MGAM2: variants seen among roughly 807,000 people sequenced by gnomAD.
MGAM2 encodes probable maltase-glucoamylase 2.
In MGAM2, 98 loss-of-function variants were observed where a neutral mutation model predicts 96.1. The observed-to-expected ratio is 1.02, with a 90% CI of 0.87 to 1.21. MGAM2 has a LOEUF of 1.21. Ranked by LOEUF, MGAM2 falls within the 50% of genes most tolerant of loss-of-function variation. MGAM2 has a pLI of 0.00. For missense variants in MGAM2, 2,055 were observed against 1,182.4 expected (o/e 1.74, Z -10.82); for synonymous variants, 749 against 414.8 (o/e 1.81, Z -9.79).
intron 35 of MGAM2, 90 bp downstream of exon 35, chr7:142,186,213 A>G (rs548285602): frequency 1.5e-6 from 1 of 645,420 alleles, no homozygotes; most frequent in Non-Finnish European, 2.8e-6. Flanking sequence ...GCAGAGACAT[A>G]GGGCTGAAGA....
rs374207492 is a variant in MGAM2, at chr7:142,190,303, G to A, written c.4346+798G>A. Among the ~76,000 whole-genome samples, 3 of 139,302 alleles carry A rather than the reference G, an allele frequency of 2.2e-5. No homozygotes were observed. In the East Asian group the frequency reaches 6.1e-4, roughly 28 times the overall value. The allele number at this position is 139,302 out of a possible 152,430, so 91.4% of individuals were successfully genotyped here. ...TTTTTTTTTTTTTTGATGGAGTCTG[G>A]CTCTGTCGCCCAGGCTGGAGTGCAG... On this transcript the variant is annotated intron_variant, in intron 37 of 47. Transcript: ENST00000477922.
intron 14 of MGAM2, among the ~76,000 whole-genome samples, chr7:142,146,661 C>A (rs566211066): frequency 6.6e-6 from 1 of 152,140 alleles, no homozygotes; most frequent in East Asian, 1.9e-4. Context: ...AACAATAATT[C>A]TCAGAGGTAG....
intron 46 of MGAM2, among the ~76,000 whole-genome samples, chr7:142,212,752 C>T (rs1445199899): frequency 2.0e-5 from 3 of 152,224 alleles, no homozygotes; most frequent in East Asian, 3.9e-4. Flanking sequence ...TTTTAACACC[C>T]ACTGTCAATA....
At chr7:142,137,309 G>A in intron 8 of MGAM2, 124 bp from the exon 9 acceptor site, 1 of 475,538 alleles carries the variant, frequency 2.1e-6, no homozygotes, top group East Asian at 3.3e-5. Context: ...TAAAAAGACA[G>A]TGTGATTTTC....
chr7:142,211,226 G>A (rs1020932364), intron 46 of MGAM2, among the ~76,000 whole-genome samples: 1 of 152,210 alleles, frequency 6.6e-6, no homozygotes, highest in Non-Finnish European at 1.5e-5. Flanking sequence ...AATCCACGAA[G>A]ATGAGGAAAA....
In MGAM2 at chr7:142,115,547, T is replaced by A. The variant is rs181980291; in HGVS notation, c.1-1327T>A. On this transcript the variant is annotated intron_variant, in intron 1 of 47. Transcript: ENST00000477922. ...GCCTTGATGTGATAAGATACTTTTT[T>A]AAAATAAAGTAAGGCAGGCTGGGTG... 1.6e-3 allele frequency among the ~76,000 whole-genome samples: 246 copies of A among 152,204 alleles called. 4 individuals are homozygous for A. In the South Asian group the frequency reaches 0.033, roughly 21 times the overall value.
Position 142,113,799 on chromosome 7 carries a change from A to G in MGAM2, c.-1+1992A>G, listed in dbSNP as rs78088648. Among the ~76,000 whole-genome samples the G allele has an allele frequency of 1.6e-3, 249 of 152,250 alleles. 4 individuals carry two copies. In the South Asian group the frequency reaches 0.035, roughly 21 times the overall value. On this transcript the variant is annotated intron_variant, in intron 1 of 47. Transcript: ENST00000477922. ...TTACCCAACGTGTCTGCGTAGTTTA[A>G]AAAAGAAGCCTATACCAGAATTTGG...
chr7:142,140,493 C>A (rs577963329), intron 10 of MGAM2, among the ~76,000 whole-genome samples: 1 of 152,228 alleles, frequency 6.6e-6, no homozygotes, highest in African/African-American at 2.4e-5. Flanking sequence ...ATTTAAAGAG[C>A]GTCTGTTTTA....
intron 6 of MGAM2, among the ~76,000 whole-genome samples, chr7:142,132,429 T>G (rs1288806876): frequency 7.2e-6 from 1 of 139,452 alleles, no homozygotes; most frequent in African/African-American, 2.6e-5. Context: ...ATTATTACTA[T>G]TAATATAATT....
chr7:142,131,703 A>G (rs908313188), intron 5 of MGAM2, 76 bp downstream of exon 5: 8 of 674,596 alleles, frequency 1.2e-5, no homozygotes, highest in Non-Finnish European at 1.9e-5. Context: ...GTGTGGAGGC[A>G]GAAGGTACCT....
At chr7:142,198,256 G>A in intron 43 of MGAM2, 61 bp downstream of exon 43, 1 of 672,432 alleles carries the variant, frequency 1.5e-6, no homozygotes, top group Non-Finnish European at 2.7e-6. Context: ...GAGGTGGATA[G>A]AGCCTTCTAT....
chr7:142,189,476 C>CGG lies in MGAM2; in HGVS notation c.4319_4320dup (p.Trp1441GlyfsTer15), dbSNP rs1258917651. ...AGCACTACAACGTGCACAACCTGTA[C>CGG]GGGTGGTCCCAGACCAGACCCACAT... On this transcript the variant is annotated frameshift_variant, in exon 37 of 48. Transcript: ENST00000477922. LOFTEE classifies it high-confidence loss of function. The CGG allele has an allele frequency of 5.8e-6, 5 of 863,496 alleles. No individual in the cohort carries two copies. The East Asian group carries it at 1.1e-4, about 18-fold the overall frequency. The allele number at this position is 863,496 out of a possible 1,614,324, so 53.5% of individuals were successfully genotyped here.
chr7:142,175,352 C>G (rs964073089), intron 31 of MGAM2, among the ~76,000 whole-genome samples: 29 of 151,998 alleles, frequency 1.9e-4, no homozygotes, highest in Non-Finnish European at 5.9e-5. Flanking sequence ...GTTTGATAGA[C>G]TGAGTTTGAG....
intron 8 of MGAM2, among the ~76,000 whole-genome samples, 199 bp from the exon 9 acceptor site, chr7:142,137,234 A>C: frequency 6.6e-6 from 1 of 151,756 alleles, no homozygotes. Context: ...AAAAAACAAA[A>C]CTCAATTCTT....
At chr7:142,146,971 A>G (rs779713625) in intron 14 of MGAM2, among the ~76,000 whole-genome samples, 27 of 151,940 alleles carry the variant, frequency 1.8e-4, no homozygotes, top group Non-Finnish European at 3.5e-4. Flanking sequence ...CAGGTGATCC[A>G]CCTGCCTCGG....
intron 37 of MGAM2, among the ~76,000 whole-genome samples, chr7:142,195,215 G>C (rs1228293549): frequency 6.6e-6 from 1 of 151,756 alleles, no homozygotes; most frequent in African/African-American, 2.4e-5. Flanking sequence ...TTATTTTTTT[G>C]TAGAGACAGG....
At chr7:142,184,727 C>A (rs1351926917) in intron 33 of MGAM2, among the ~76,000 whole-genome samples, 1 of 152,106 alleles carries the variant, frequency 6.6e-6, no homozygotes, top group Admixed American at 6.5e-5. Context: ...AATCTTATTT[C>A]TTTAGAGTCA....
At chr7:142,167,072 G>T (rs145467701) in intron 25 of MGAM2, among the ~76,000 whole-genome samples, 196 bp from the exon 26 acceptor site, 1 of 152,268 alleles carries the variant, frequency 6.6e-6, no homozygotes, top group Non-Finnish European at 1.5e-5. Flanking sequence ...TTTGTTCATT[G>T]CAGAAACCCT....
intron 28 of MGAM2, among the ~76,000 whole-genome samples, chr7:142,171,704 G>A (rs1312274729): frequency 1.5e-5 from 2 of 136,244 alleles, no homozygotes; most frequent in East Asian, 2.2e-4. Context: ...TGTCAGTTAT[G>A]GATTTTATTT....
Sources: allele counts gnomAD v4.1 joint callset (sites outside exome capture counted in the v4.1 genomes callset), GRCh38; gene constraint gnomAD v4.1.1; transcripts MANE v1.5; gene names NCBI Gene and HGNC (gene_info 2026-07-23, HGNC 2026-07-21).